The following PHKA2 variants were observed in gnomAD, a reference collection of about 807,000 sequenced individuals.
PHKA2 encodes the protein phosphorylase kinase regulatory subunit alpha 2, also known as phosphorylase b kinase regulatory subunit alpha, liver isoform.
PHKA2 carries 31 observed loss-of-function variants against 102.0 expected under a neutral mutation model. The observed-to-expected ratio is 0.30, with a 90% CI of 0.23 to 0.41. The LOEUF (loss-of-function observed/expected upper bound fraction) is 0.41, where lower values mean the gene tolerates loss of function less well. Among genes scored for constraint, PHKA2 ranks in the 10% least tolerant of loss-of-function variants. The probability of loss-of-function intolerance (pLI) is 1.00; values close to 1 mark genes in which losing one functional copy is unlikely to be tolerated. For synonymous variants in PHKA2, 455 were observed against 416.2 expected (o/e 1.09, Z -1.13); for missense variants, 858 against 1,023.1 (o/e 0.84, Z 2.20).
intron 11 of PHKA2, among the ~76,000 whole-genome samples, chrX:18,935,778 T>C (rs2048383719): frequency 2.1e-5 from 2 of 94,852 alleles, no homozygotes; most frequent in Admixed American, 1.2e-4. Context: ...AATTTTTGTA[T>C]TTTTTTTTTT....
At chrX:18,910,764 C>A (rs1043487241) in intron 20 of PHKA2, 108 bp downstream of exon 20, 1 of 495,307 alleles carries the variant, frequency 2.0e-6, no homozygotes, top group Non-Finnish European at 3.7e-6. Context: ...TCCCTGATAT[C>A]GAGAAATATG....
chrX:18,970,399 T>A (rs1450171158), intron 1 of PHKA2, among the ~76,000 whole-genome samples: 1 of 112,375 alleles, frequency 8.9e-6, no homozygotes, highest in Non-Finnish European at 1.9e-5. Flanking sequence ...ATGCAATATA[T>A]TGTTATTAAC....
intron 8 of PHKA2, 37 bp from the exon 9 acceptor site, chrX:18,940,085 A>AT (rs775749441): frequency 2.8e-6 from 3 of 1,056,772 alleles, no homozygotes; most frequent in South Asian, 1.9e-5. Context: ...GCTCAGAGAA[A>AT]TTTTTTTGCC....
At chrX:18,917,012 C>G (rs1439705210) in intron 19 of PHKA2, among the ~76,000 whole-genome samples, 5 of 108,565 alleles carry the variant, frequency 4.6e-5, no homozygotes. Context: ...GTAGCTGGGA[C>G]TACAGGCATG....
chrX:18,979,908 A>G lies in PHKA2; in HGVS notation c.78+3947T>C, dbSNP rs781358980. Among the ~76,000 whole-genome samples the G allele has an allele frequency of 8.1e-5, 9 of 111,711 alleles. No homozygotes were observed. The South Asian group carries it at 3.0e-3, about 37-fold the overall frequency. On this transcript the variant is annotated intron_variant, in intron 1 of 32. Transcript: ENST00000379942. The stretch of plus-strand genomic sequence containing the variant: ...GAATGATTGTAGGGAAAAGAAAGAG[A>G]GATCAGACTGTTACCTGTGTCTATG...
Position 18,959,516 on chromosome X carries a change from T to C in PHKA2, c.79-5104A>G, listed in dbSNP as rs903346933. Among the ~76,000 whole-genome samples the C allele has an allele frequency of 2.7e-5, 3 of 111,709 alleles. No homozygotes were observed. The South Asian group carries it at 1.1e-3, about 42-fold the overall frequency. ...AAGATATTTTATCACATTGACATTT[T>C]TGAAACAAAAAACCTGGCCACTCTG... On this transcript the variant is annotated intron_variant, in intron 1 of 32. Transcript: ENST00000379942.
intron 31 of PHKA2, 191 bp downstream of exon 31, chrX:18,894,947 G>T: frequency 2.0e-6 from 1 of 489,354 alleles, no homozygotes; most frequent in Non-Finnish European, 3.7e-6. Flanking sequence ...TGAAGAAAAA[G>T]GCTGATGCCA....
rs1282109594 is a variant in PHKA2, at chrX:18,952,185, C to CAA, written c.285+307_285+308dup. 3.9e-3 allele frequency among the ~76,000 whole-genome samples: 83 copies of CAA among 21,350 alleles called. 1 individual carries two copies. The highest frequency in any genetic ancestry group is 4.6e-3 in the Non-Finnish European group (53 of 11,413). 18.5% of individuals were successfully genotyped at this position (21,350 alleles called of 115,157 possible). On this transcript the variant is annotated intron_variant, in intron 3 of 32. Coordinates refer to ENST00000379942, the MANE Select transcript of PHKA2 (RefSeq NM_000292.3). Reference sequence around the variant, plus strand: ...GCAACATAGTGAGATATTGTATCTACAAAAAAAAAAAAAAAAAAAAAAAGG... The same window carrying CAA: ...GCAACATAGTGAGATATTGTATCTACAAAAAAAAAAAAAAAAAAAAAAAAAGG...
At chrX:18,945,488 T>A (rs1269050024) in intron 5 of PHKA2, among the ~76,000 whole-genome samples, 2 of 112,861 alleles carry the variant, frequency 1.8e-5, no homozygotes, top group East Asian at 5.5e-4. Context: ...AATAAAATGC[T>A]GCCTCTCTAG....
chrX:18,980,730 G>A (rs1032757784), intron 1 of PHKA2, among the ~76,000 whole-genome samples: 4 of 111,646 alleles, frequency 3.6e-5, no homozygotes, highest in Non-Finnish European at 7.5e-5. Context: ...TATGCTGAGC[G>A]CCGGTCTCCT....
intron 1 of PHKA2, among the ~76,000 whole-genome samples, chrX:18,957,087 A>G (rs1047855449): frequency 8.9e-6 from 1 of 112,283 alleles, no homozygotes; most frequent in Admixed American, 9.4e-5. Flanking sequence ...TATTTTTAGT[A>G]GAGACGGAGT....
Position 18,926,482 on chromosome X carries a change from C to T in PHKA2, c.1430G>A (p.Arg477Gln), listed in dbSNP as rs1281449556. The T allele has an allele frequency of 8.3e-7, 1 of 1,205,249 alleles. No homozygotes were observed. Among genetic ancestry groups the T allele is most frequent in the Non-Finnish European group, 1.1e-6 (1 of 889,518 alleles). ...DIHPIQVQPG[R>Q]ILSHIYAKLG... Reference sequence around the variant, plus strand: ...CTTGGCATATATGTGACTAAGAATCCGGCCCGGCTGGACTTGAATTGGATG... The same window carrying T: ...CTTGGCATATATGTGACTAAGAATCTGGCCCGGCTGGACTTGAATTGGATG... The change falls in exon 14 of 33, where the codon CGG (arginine) becomes CAG (glutamine). Residue 477 changes from arginine (R) to glutamine (Q), a missense_variant. Physicochemically the swap from Arg to Gln is conservative, Grantham distance 43. Transcript: ENST00000379942.
In PHKA2 at chrX:18,949,374, G is replaced by A. The variant is rs113651305; in HGVS notation, c.455-548C>T. Among the ~76,000 whole-genome samples the A allele has an allele frequency of 4.8e-3, 542 of 112,020 alleles. 6 individuals carry two copies. Among genetic ancestry groups the A allele is most frequent in the African/African-American group, 0.016 (506 of 30,861 alleles). On this transcript the variant is annotated intron_variant, in intron 4 of 32. Transcript: ENST00000379942. ...ATAGGAAATGGACTCTTACATCAAT[G>A]AGGGCAGCTTAACTAGTAAGCCAGA... is the stretch of plus-strand genomic sequence containing the variant.
chrX:18,920,535 T>C (rs2048099081), intron 17 of PHKA2, among the ~76,000 whole-genome samples: 1 of 111,868 alleles, frequency 8.9e-6, no homozygotes, highest in South Asian at 3.7e-4. Flanking sequence ...AACCAACCCA[T>C]GTTTTTGTTT....
rs1477471434 is a variant in PHKA2, at chrX:18,893,162, T to G, written c.*323A>C. 3.0e-6 allele frequency: 1 copy of G among 328,537 alleles called. No homozygotes were observed. The highest frequency in any genetic ancestry group is 5.4e-6 in the Non-Finnish European group (1 of 184,371). The allele number at this position is 328,537 out of a possible 1,213,427, so 27.1% of individuals were successfully genotyped here. A position where few individuals can be genotyped will look rare whatever the true frequency, so the allele number is the denominator to read the frequency against. ...AGCCAATTTAAGCTGGCGTCTCAGTTCCCTCTGCACTCAAAAGAGACCAAT... is the reference window on the plus strand; with the variant it reads ...AGCCAATTTAAGCTGGCGTCTCAGTGCCCTCTGCACTCAAAAGAGACCAAT... On this transcript the variant is annotated 3_prime_UTR_variant, in exon 33 of 33. Coordinates refer to ENST00000379942, the MANE Select transcript of PHKA2 (RefSeq NM_000292.3).
At chrX:18,893,748 G>C (rs950310600) in intron 32 of PHKA2, 93 bp from the exon 33 acceptor site, 12 of 845,167 alleles carry the variant, frequency 1.4e-5, no homozygotes, top group African/African-American at 1.2e-4. Flanking sequence ...ACATGGGCAG[G>C]GGTGAGGGTT....
intron 25 of PHKA2, 97 bp downstream of exon 25, chrX:18,906,398 G>A (rs920642432): frequency 1.1e-5 from 12 of 1,068,379 alleles, no homozygotes; most frequent in African/African-American, 3.7e-5. Flanking sequence ...TGCTGGGTTC[G>A]AGATAACCTA....
chrX:18,931,514 A>T, intron 12 of PHKA2, 127 bp downstream of exon 12: 1 of 572,381 alleles, frequency 1.7e-6, no homozygotes, highest in Non-Finnish European at 3.1e-6. Context: ...GGTCCAGTTG[A>T]CCTTAAACGA....
chrX:18,923,100 A>G (rs1290671673), intron 17 of PHKA2, among the ~76,000 whole-genome samples: 1 of 91,307 alleles, frequency 1.1e-5, no homozygotes, highest in Non-Finnish European at 2.1e-5. Context: ...CCCAGGCTGG[A>G]GTGCAGTGGT....
Sources: allele counts gnomAD v4.1 joint callset (sites outside exome capture counted in the v4.1 genomes callset), GRCh38; gene constraint gnomAD v4.1.1; transcripts MANE v1.5; gene names NCBI Gene and HGNC (gene_info 2026-07-23, HGNC 2026-07-21).